The following NLRP3 variants were observed in gnomAD, a reference collection of about 807,000 sequenced individuals.
NLRP3 encodes NACHT, LRR and PYD domains-containing protein 3.
NLRP3 carries 48 observed loss-of-function variants against 91.3 expected under a neutral mutation model. The ratio of observed to expected loss-of-function variants is 0.53; its 90% CI spans 0.42 to 0.67. NLRP3 has a LOEUF of 0.67. Ranked by LOEUF, NLRP3 falls within the 30% of genes least tolerant of loss-of-function variation. The pLI, the probability that NLRP3 is intolerant of heterozygous loss-of-function variation, is 0.00. For missense variants in NLRP3, 982 were observed against 1,276.9 expected (o/e 0.77, Z 3.52); for synonymous variants, 561 against 507.9 (o/e 1.10, Z -1.41).
chr1:247,447,115 C>T (rs1226030922), intron 9 of NLRP3, among the ~76,000 whole-genome samples: 1 of 152,210 alleles, frequency 6.6e-6, no homozygotes, highest in Non-Finnish European at 1.5e-5. Context: ...GCTGCGATAA[C>T]AAGCTGCTTT....
At chr1:247,441,160 T>TC (rs1664208970) in intron 7 of NLRP3, among the ~76,000 whole-genome samples, 1 of 142,098 alleles carries the variant, frequency 7.0e-6, no homozygotes, top group Non-Finnish European at 1.5e-5. Context: ...TCTCTCTCTC[T>TC]TTCTTTCTTT....
At position 247,419,008 on chromosome 1, in the gene NLRP3, G is replaced by A. The variant is rs117287351; in HGVS notation, c.208G>A (p.Val70Met). 4.2e-4 allele frequency: 683 copies of A among 1,613,968 alleles called. 4 individuals carry two copies. In the East Asian group the frequency reaches 0.011, roughly 26 times the overall value. The change falls in exon 2 of 10, where the codon GTG (valine) becomes ATG (methionine). Residue 70 changes from valine to methionine, a missense_variant. By Grantham distance (21) the Val-to-Met change is conservative. Coordinates refer to ENST00000336119, the MANE Select transcript of NLRP3 (RefSeq NM_001243133.2). ...GGAGGAGAAGGCGTGGGCCATGGCC[G>A]TGTGGATCTTCGCTGCGATCAACAG... ...NGEEKAWAMAVWIFAAINRRD... is the reference protein window; with the variant it reads ...NGEEKAWAMAMWIFAAINRRD...
At chr1:247,426,478 CTGGATAGAAGACACTTGACG>C (rs1203891480) in intron 4 of NLRP3, among the ~76,000 whole-genome samples, 1 of 152,190 alleles carries the variant, frequency 6.6e-6, no homozygotes, top group Non-Finnish European at 1.5e-5. Context: ...TGAGTTTAGC[CTGGATAGAAGACACTTGACG>C]TGGGGCAAAA....
chr1:247,447,289 G>A (rs1332172165), intron 9 of NLRP3, among the ~76,000 whole-genome samples: 1 of 152,170 alleles, frequency 6.6e-6, no homozygotes, highest in Non-Finnish European at 1.5e-5. Flanking sequence ...GGAGGCAAGG[G>A]AGAGAAGACA....
intron 8 of NLRP3, 138 bp downstream of exon 8, chr1:247,444,280 T>A: frequency 1.1e-6 from 1 of 930,938 alleles, no homozygotes; most frequent in Non-Finnish European, 1.7e-6. Flanking sequence ...TACAGGATCA[T>A]GGGACTGGGA....
chr1:247,416,495 G>T (rs1662083290), intron 1 of NLRP3, among the ~76,000 whole-genome samples: 1 of 152,196 alleles, frequency 6.6e-6, no homozygotes. Flanking sequence ...AGATGGATGG[G>T]ATATACAGAA....
chr1:247,418,596 C>G lies in NLRP3; in HGVS notation c.-205C>G, dbSNP rs1174710198. The G allele has an allele frequency of 1.6e-6, 1 of 639,616 alleles. No homozygotes were observed. The highest frequency in any genetic ancestry group is 2.7e-6 in the Non-Finnish European group (1 of 372,714). The allele number at this position is 639,616 out of a possible 1,614,324, so 39.6% of individuals were successfully genotyped here. On this transcript the variant is annotated 5_prime_UTR_variant, in exon 2 of 10. Coordinates refer to ENST00000336119, the MANE Select transcript of NLRP3 (RefSeq NM_001243133.2). ...GGATTACAGGCGTGAGCCACTGTGC[C>G]CGGCCTTGGCTAACTTTTCAAAATT...
At chr1:247,430,154 G>T (rs1337877723) in intron 5 of NLRP3, among the ~76,000 whole-genome samples, 1 of 152,174 alleles carries the variant, frequency 6.6e-6, no homozygotes, top group East Asian at 1.9e-4. Context: ...GGGATTACAG[G>T]CATGAGCCAC....
At chr1:247,438,229 A>G (rs975964852) in intron 7 of NLRP3, among the ~76,000 whole-genome samples, 6 of 151,646 alleles carry the variant, frequency 4.0e-5, no homozygotes, top group Admixed American at 3.3e-4. Flanking sequence ...CCTTTAATTC[A>G]TTTCACTCTT....
At chr1:247,441,997 C>A (rs909701228) in intron 7 of NLRP3, among the ~76,000 whole-genome samples, 1 of 152,184 alleles carries the variant, frequency 6.6e-6, no homozygotes, top group East Asian at 1.9e-4. Context: ...CTAGAATGTC[C>A]CTGGCCTTTG....
intron 3 of NLRP3, among the ~76,000 whole-genome samples, 195 bp downstream of exon 3, chr1:247,423,544 C>A (rs1022114408): frequency 6.6e-6 from 1 of 152,036 alleles, no homozygotes; most frequent in South Asian, 2.1e-4. Context: ...CCAGAGCCAG[C>A]GGCGGTGATT....
chr1:247,418,711 TA>T lies in NLRP3; in HGVS notation c.-84del. ...TTTATATCTCTCAAAGTGGAGACTT[TA>T]AAAAAGACTCATCCGTGTGCCGTGT... On this transcript the variant is annotated 5_prime_UTR_variant, in exon 2 of 10. Transcript: ENST00000336119. The T allele has an allele frequency of 6.6e-7, 1 of 1,509,782 alleles. No individual in the cohort carries two copies. Among genetic ancestry groups the T allele is most frequent in the Non-Finnish European group, 9.2e-7 (1 of 1,090,024 alleles). 93.5% of individuals were successfully genotyped at this position (1,509,782 alleles called of 1,614,324 possible).
rs147631017 is a variant in NLRP3, at chr1:247,424,013, C to A, written c.564C>A (p.Ile188=). Residue 188 remains isoleucine, a synonymous_variant, in exon 4 of 10, where the codon ATC becomes ATA. Transcript: ENST00000336119. This position sits in a 1 kb window ranked among gnomAD's most constrained non-coding sequence, Gnocchi z 8.1. ...QQEREQELLA[I]GKTKTCESPV... Reference sequence around the variant, plus strand: ...AGAGGGAGCAGGAGCTTCTGGCCATCGGCAAGACCAAGACGTGTGAGAGCC... The same window carrying A: ...AGAGGGAGCAGGAGCTTCTGGCCATAGGCAAGACCAAGACGTGTGAGAGCC... The A allele has an allele frequency of 5.0e-6, 8 of 1,613,852 alleles. No individual in the cohort carries two copies. Among genetic ancestry groups the A allele is most frequent in the Non-Finnish European group, 5.9e-6 (7 of 1,179,990 alleles).
At chr1:247,423,783 G>T (rs780241341) in intron 3 of NLRP3, 64 bp from the exon 4 acceptor site, 15 of 1,427,770 alleles carry the variant, frequency 1.1e-5, no homozygotes, top group Non-Finnish European at 1.5e-5. Context: ...ACAGGCCCCA[G>T]CTGAGAGCGC....
rs201096167 is a variant in NLRP3, at chr1:247,434,200, G to T, written c.2419G>T (p.Ala807Ser). 6.2e-7 allele frequency: 1 copy of T among 1,614,228 alleles called. No individual in the cohort carries two copies. Among genetic ancestry groups the T allele is most frequent in the Non-Finnish European group, 8.5e-7 (1 of 1,180,034 alleles). ...GGTGGAGCTGGACCTGAGTGACAAC[G>T]CCCTCGGTGACTTCGGAATCAGACT... ...KLVELDLSDN[A>S]LGDFGIRLLC... Residue 807 changes from alanine to serine, a missense_variant, in exon 6 of 10, where the codon GCC (alanine) becomes TCC (serine). By Grantham distance (99) the Ala-to-Ser change is moderately conservative. Around this residue, in one of 5 missense-constraint regions of NLRP3, gnomAD observed 373 missense variants for 431.5 expected, o/e 0.86. Transcript: ENST00000336119.
chr1:247,423,207 G>A (rs368958564), intron 2 of NLRP3, 23 bp from the exon 3 acceptor site: 5 of 1,613,712 alleles, frequency 3.1e-6, no homozygotes, highest in East Asian at 4.5e-5. Context: ...TCTGGGTTTT[G>A]ACACCTTTTT....
Position 247,423,952 on chromosome 1 carries a change from G to T in NLRP3, c.503G>T (p.Arg168Leu), listed in dbSNP as rs180177464. The part of the protein sequence containing the change: ...ESVSLNKRYT[R>L]LRLIKEHRSQ... ...GTGAGCCTCAACAAACGCTACACAC[G>T]ACTGCGTCTCATCAAGGAGCACCGG... The change falls in exon 4 of 10, where the codon CGA becomes CTA. Residue 168 changes from arginine (R) to leucine (L), a missense_variant. Physicochemically the swap from Arg to Leu is moderately radical, Grantham distance 102. Transcript: ENST00000336119. The T allele has an allele frequency of 6.2e-7, 1 of 1,613,964 alleles. No individual in the cohort carries two copies. The highest frequency in any genetic ancestry group is 8.5e-7 in the Non-Finnish European group (1 of 1,179,980).
intron 9 of NLRP3, among the ~76,000 whole-genome samples, chr1:247,446,170 G>A (rs1664572348): frequency 6.6e-6 from 1 of 152,140 alleles, no homozygotes; most frequent in African/African-American, 2.4e-5. Flanking sequence ...CATCCTGTGA[G>A]CTCTGCCTTC....
Position 247,429,702 on chromosome 1 carries a change from G to A in NLRP3, c.2268G>A (p.Met756Ile). The A allele has an allele frequency of 6.2e-7, 1 of 1,614,156 alleles. No homozygotes were observed. The highest frequency in any genetic ancestry group is 8.5e-7 in the Non-Finnish European group (1 of 1,180,006). ...ACAATTCTCTGGGGGACCCAGGGAT[G>A]AGAGTGTTGTGTGAAACGCTCCAGC... ...LSDNSLGDPG[M>I]RVLCETLQHP... Residue 756 changes from methionine (M) to isoleucine (I), a missense_variant, in exon 5 of 10, where the codon ATG becomes ATA. By Grantham distance (10) the Met-to-Ile change is conservative (BLOSUM62 1). Coordinates refer to ENST00000336119, the MANE Select transcript of NLRP3 (RefSeq NM_001243133.2).
Sources: allele counts gnomAD v4.1 joint callset (sites outside exome capture counted in the v4.1 genomes callset), GRCh38; gene constraint gnomAD v4.1.1; regional missense constraint gnomAD v4.1.1; non-coding constraint Gnocchi (gnomAD v3.1); transcripts MANE v1.5; gene names NCBI Gene and HGNC (gene_info 2026-07-23, HGNC 2026-07-21).